Variants in TCEA3 observed in about 807,000 individuals in gnomAD.
TCEA3 encodes transcription elongation factor A protein 3.
In TCEA3, 36 loss-of-function variants were observed where a neutral mutation model predicts 44.0. The observed-to-expected ratio is 0.82, with a 90% CI of 0.63 to 1.08. The LOEUF (loss-of-function observed/expected upper bound fraction) is 1.08. Among genes scored for constraint, TCEA3 ranks in the 50% least tolerant of loss-of-function variants. The pLI, the probability that TCEA3 is intolerant of heterozygous loss-of-function variation, is 0.00. For missense variants in TCEA3, 392 were observed against 441.2 expected, an observed-to-expected ratio of 0.89 and a Z score of 1.00; for synonymous variants, 162 against 159.7, an observed-to-expected ratio of 1.01 and a Z score of -0.11.
At chr1:23,387,136 A>C in intron 9 of TCEA3, 137 bp downstream of exon 9, 1 of 1,158,250 alleles carries the variant, frequency 8.6e-7, no homozygotes, top group Non-Finnish European at 1.2e-6. Context: ...TACAGACATG[A>C]GCCACCGCAC....
rs375914185 is a variant in TCEA3 at position 23,394,051 on chromosome 1, C to T, written c.665-18G>A. ...GTAGATATGTGACACAGTCAAGGGC[C>T]GGCCAGCCATTCATGGAGGGGCACA... On this transcript the variant is annotated intron_variant, in intron 7 of 10. Transcript: ENST00000450454. The T allele has an allele frequency of 2.0e-5, 32 of 1,613,252 alleles. No individual in the cohort carries two copies. The highest frequency in any genetic ancestry group is 8.8e-5 in the South Asian group (8 of 91,040).
At chr1:23,392,099 A>T (rs1639045673) in intron 8 of TCEA3, among the ~76,000 whole-genome samples, 1 of 152,204 alleles carries the variant, frequency 6.6e-6, no homozygotes, top group Admixed American at 6.5e-5. Context: ...CAGATATTTT[A>T]AATTAGGCAG....
chr1:23,391,476 T>C (rs1332451501), intron 8 of TCEA3, among the ~76,000 whole-genome samples: 1 of 152,052 alleles, frequency 6.6e-6, no homozygotes, highest in Non-Finnish European at 1.5e-5. Context: ...AGAGCTCTGG[T>C]GCAGGGGATT....
intron 4 of TCEA3, among the ~76,000 whole-genome samples, chr1:23,415,335 A>C (rs949395770): frequency 6.6e-6 from 1 of 152,038 alleles, no homozygotes; most frequent in South Asian, 2.1e-4. Flanking sequence ...TTTACTGTTC[A>C]TTCAGTGGGG....
At chr1:23,386,279 C>CT (rs1224381751) in intron 9 of TCEA3, among the ~76,000 whole-genome samples, 1 of 151,940 alleles carries the variant, frequency 6.6e-6, no homozygotes, top group Non-Finnish European at 1.5e-5. Flanking sequence ...AATCATAGCT[C>CT]ATTGCAGCCT....
intron 5 of TCEA3, among the ~76,000 whole-genome samples, chr1:23,401,081 T>C (rs535087534): frequency 2.0e-5 from 3 of 152,172 alleles, no homozygotes; most frequent in Non-Finnish European, 4.4e-5. Flanking sequence ...GAGAATCCCA[T>C]CCAACATCCT....
chr1:23,408,956 AG>A (rs772950715), intron 4 of TCEA3, among the ~76,000 whole-genome samples: 2 of 152,218 alleles, frequency 1.3e-5, no homozygotes, highest in Non-Finnish European at 2.9e-5. Flanking sequence ...ATATCTGCCA[AG>A]GGCCTAACAC....
chr1:23,413,988 A>ATATATATATATATATG (rs1458026078), intron 4 of TCEA3, among the ~76,000 whole-genome samples: 3 of 126,376 alleles, frequency 2.4e-5, no homozygotes, highest in African/African-American at 1.3e-4. Context: ...AGCAGGATGT[A>ATATATATATATATATG]TATATATATA....
At chr1:23,406,689 C>T (rs1366502957) in intron 5 of TCEA3, among the ~76,000 whole-genome samples, 1 of 152,154 alleles carries the variant, frequency 6.6e-6, no homozygotes, top group African/African-American at 2.4e-5. Context: ...TTCCATCCCC[C>T]AGACTGGAGT....
chr1:23,390,740 C>T (rs1171441067), intron 8 of TCEA3, among the ~76,000 whole-genome samples: 1 of 152,036 alleles, frequency 6.6e-6, no homozygotes, highest in Non-Finnish European at 1.5e-5. Context: ...ATAAATACAA[C>T]ACTGTAGAAA....
chr1:23,389,964 G>C (rs970528137), intron 8 of TCEA3, among the ~76,000 whole-genome samples: 1 of 152,198 alleles, frequency 6.6e-6, no homozygotes, highest in African/African-American at 2.4e-5. Flanking sequence ...CTCCTCCCAA[G>C]TAGTGCTAAT....
chr1:23,408,030 C>T (rs962963456), intron 5 of TCEA3, among the ~76,000 whole-genome samples: 7 of 152,012 alleles, frequency 4.6e-5, no homozygotes, highest in Non-Finnish European at 7.4e-5. Context: ...GGCGCGATCT[C>T]GGCTCACTGC....
chr1:23,422,769 T>G (rs1640102505), intron 1 of TCEA3, among the ~76,000 whole-genome samples: 1 of 152,128 alleles, frequency 6.6e-6, no homozygotes, highest in Non-Finnish European at 1.5e-5. Flanking sequence ...AAGACACCAT[T>G]TCCTCTTCCC....
chr1:23,399,405 C>T (rs559141617), intron 5 of TCEA3, among the ~76,000 whole-genome samples: 1 of 151,816 alleles, frequency 6.6e-6, no homozygotes, highest in African/African-American at 2.4e-5. Context: ...CTCATAGGGA[C>T]ACTAATCCTA....
chr1:23,388,871 T>C (rs561235934), intron 8 of TCEA3, among the ~76,000 whole-genome samples: 1 of 152,172 alleles, frequency 6.6e-6, no homozygotes, highest in South Asian at 2.1e-4. Flanking sequence ...TATATTTTTG[T>C]AGAGATGGGG....
intron 10 of TCEA3, among the ~76,000 whole-genome samples, chr1:23,382,542 G>A (rs1158166052): frequency 1.3e-5 from 2 of 152,242 alleles, no homozygotes; most frequent in Non-Finnish European, 2.9e-5. Flanking sequence ...GGGGCAAGCT[G>A]AGGCTGAAAC....
intron 4 of TCEA3, among the ~76,000 whole-genome samples, chr1:23,413,972 T>C (rs1639809908): frequency 7.2e-6 from 1 of 138,070 alleles, no homozygotes; most frequent in Non-Finnish European, 1.5e-5. Context: ...TGCATAGGAA[T>C]AGTCTAGCAG....
chr1:23,393,341 A>T (rs1456748759), intron 8 of TCEA3, among the ~76,000 whole-genome samples: 1 of 152,006 alleles, frequency 6.6e-6, no homozygotes, highest in African/African-American at 2.4e-5. Context: ...GATCCCTAAT[A>T]TATACCATAC....
chr1:23,384,138 G>A, intron 10 of TCEA3: 7 of 1,373,314 alleles, frequency 5.1e-6, no homozygotes, highest in Non-Finnish European at 6.6e-6. Flanking sequence ...CCAGCTTGGT[G>A]CCCTTCTAAA....
Sources: allele counts gnomAD v4.1 joint callset (sites outside exome capture counted in the v4.1 genomes callset), GRCh38; gene constraint gnomAD v4.1.1; transcripts MANE v1.5; gene names NCBI Gene and HGNC (gene_info 2026-07-23, HGNC 2026-07-21).